CSGALNACT1: variants seen among roughly 807,000 people sequenced by gnomAD.
CSGALNACT1 encodes the protein beta4GalNAcT-1.
A neutral mutation model predicts 51.0 loss-of-function variants in CSGALNACT1; 52 were observed. That is an observed-to-expected ratio of 1.02 (90% confidence interval 0.82 to 1.29). CSGALNACT1 has a LOEUF of 1.29. CSGALNACT1 is among the 50% of genes most tolerant of loss of function. The probability of loss-of-function intolerance (pLI) is 0.00; values close to 1 mark genes in which losing one functional copy is unlikely to be tolerated. For missense variants in CSGALNACT1, 935 were observed against 679.2 expected (o/e 1.38, Z -4.19); for synonymous variants, 341 against 254.4 (o/e 1.34, Z -3.24).
At chr8:19,734,068 C>G (rs897144691) in intron 1 of CSGALNACT1, among the ~76,000 whole-genome samples, 1 of 152,158 alleles carries the variant, frequency 6.6e-6, no homozygotes, top group Non-Finnish European at 1.5e-5. Flanking sequence ...TGGAGAGGGA[C>G]CAGGCTAGTG....
chr8:19,510,884 C>T (rs969441056), intron 3 of CSGALNACT1, among the ~76,000 whole-genome samples: 6 of 152,262 alleles, frequency 3.9e-5, no homozygotes, highest in East Asian at 1.9e-4. Context: ...AAGACTTAAA[C>T]GAAATGTGGC....
At chr8:19,727,189 T>A (rs967777598) in intron 1 of CSGALNACT1, among the ~76,000 whole-genome samples, 2 of 152,092 alleles carry the variant, frequency 1.3e-5, no homozygotes, top group African/African-American at 4.8e-5. Flanking sequence ...AGAGGGCTTA[T>A]GGAAAGGAGT....
At chr8:19,513,436 C>CTCTATATATATATATATATATATATA in intron 3 of CSGALNACT1, among the ~76,000 whole-genome samples, 2 of 81,974 alleles carry the variant, frequency 2.4e-5, no homozygotes, top group Non-Finnish European at 5.1e-5. Flanking sequence ...CTCTCTCTCT[C>CTCTATATATATATATATATATATATA]TATATATATA....
intron 3 of CSGALNACT1, among the ~76,000 whole-genome samples, chr8:19,544,841 C>G (rs746605211): frequency 6.6e-6 from 1 of 152,100 alleles, no homozygotes; most frequent in Non-Finnish European, 1.5e-5. Context: ...CAAGTAAAAG[C>G]TGTGTATCTG....
intron 1 of CSGALNACT1, among the ~76,000 whole-genome samples, chr8:19,709,876 C>T (rs576281718): frequency 2.2e-4 from 33 of 152,250 alleles, no homozygotes; most frequent in African/African-American, 7.5e-4. Flanking sequence ...CACTCTGGGA[C>T]TGAGTGCCTT....
chr8:19,572,874 C>A (rs7005023), intron 3 of CSGALNACT1, among the ~76,000 whole-genome samples: 1 of 151,990 alleles, frequency 6.6e-6, no homozygotes. Context: ...ATAAATAATC[C>A]GTAATGAGAT....
intron 1 of CSGALNACT1, among the ~76,000 whole-genome samples, chr8:19,734,597 G>C (rs886895190): frequency 1.3e-5 from 2 of 152,126 alleles, no homozygotes; most frequent in African/African-American, 4.8e-5. Flanking sequence ...TAACTTGTCT[G>C]AAGTTTTTCT....
chr8:19,581,059 A>G (rs2045457708), intron 3 of CSGALNACT1, among the ~76,000 whole-genome samples: 2 of 152,218 alleles, frequency 1.3e-5, no homozygotes, highest in Admixed American at 1.3e-4. Flanking sequence ...AGGAAAAGAG[A>G]ATAATGAGAA....
At chr8:19,579,254 G>A (rs762787521) in intron 3 of CSGALNACT1, among the ~76,000 whole-genome samples, 2 of 152,114 alleles carry the variant, frequency 1.3e-5, no homozygotes, top group Non-Finnish European at 2.9e-5. Flanking sequence ...ACTTTCCTCT[G>A]TTCCCACTCC....
intron 1 of CSGALNACT1, among the ~76,000 whole-genome samples, chr8:19,691,526 G>C (rs2061321593): frequency 6.6e-6 from 1 of 152,202 alleles, no homozygotes; most frequent in Admixed American, 6.5e-5. Context: ...AACTCCACAG[G>C]TGGTTAACAG....
At chr8:19,525,372 G>A (rs1185703509) in intron 3 of CSGALNACT1, among the ~76,000 whole-genome samples, 2 of 151,930 alleles carry the variant, frequency 1.3e-5, no homozygotes, top group Admixed American at 1.3e-4. Context: ...GGGAGGCTGA[G>A]GCCGGCGGAT....
upstream of CSGALNACT1, among the ~76,000 whole-genome samples, chr8:19,605,485 G>A (rs991944847): frequency 1.2e-4 from 18 of 152,066 alleles, no homozygotes; most frequent in African/African-American, 3.4e-4. Flanking sequence ...TCTTGTATCC[G>A]GGTCTCAGTC....
chr8:19,464,995 C>G (rs1037515844), intron 4 of CSGALNACT1, among the ~76,000 whole-genome samples: 4 of 151,952 alleles, frequency 2.6e-5, no homozygotes, highest in Non-Finnish European at 5.9e-5. Flanking sequence ...ATTTCTAGGT[C>G]TATATCCCAA....
chr8:19,443,058 A>C (rs1366609514), intron 5 of CSGALNACT1, among the ~76,000 whole-genome samples: 2 of 152,014 alleles, frequency 1.3e-5, no homozygotes, highest in Non-Finnish European at 2.9e-5. Context: ...CTTTCTGACA[A>C]AACCACCATT....
At chr8:19,544,130 A>G (rs1014543267) in intron 3 of CSGALNACT1, among the ~76,000 whole-genome samples, 2 of 151,924 alleles carry the variant, frequency 1.3e-5, no homozygotes, top group African/African-American at 4.8e-5. Context: ...TGGGAAAAGA[A>G]TAGTTTGGTG....
chr8:19,410,643 G>A (rs1235796105), intron 8 of CSGALNACT1, among the ~76,000 whole-genome samples: 2 of 152,196 alleles, frequency 1.3e-5, no homozygotes, highest in African/African-American at 4.8e-5. Context: ...AGGGCCTTTC[G>A]AGGTTGAACA....
chr8:19,413,681 G>A (rs908125973), intron 8 of CSGALNACT1, among the ~76,000 whole-genome samples: 1 of 152,210 alleles, frequency 6.6e-6, no homozygotes, highest in Admixed American at 6.5e-5. Flanking sequence ...GAGAGGGCAA[G>A]GACAGAAGCC....
intron 5 of CSGALNACT1, among the ~76,000 whole-genome samples, chr8:19,443,198 C>T (rs1038497186): frequency 6.6e-6 from 1 of 152,178 alleles, no homozygotes; most frequent in Admixed American, 6.5e-5. Flanking sequence ...TGGGAAGGTC[C>T]TCTGCTGACG....
chr8:19,736,486 G>C (rs2063981728), intron 1 of CSGALNACT1, among the ~76,000 whole-genome samples: 1 of 150,728 alleles, frequency 6.6e-6, no homozygotes, highest in Non-Finnish European at 1.5e-5. Context: ...TCATGTGCTT[G>C]GGACTGAGAA....
Sources: gnomAD v4.1 joint callset for allele counts (sites outside exome capture counted in the v4.1 genomes callset) on GRCh38, gnomAD v4.1.1 for gene constraint, MANE v1.5 for transcripts, NCBI Gene and HGNC (gene_info 2026-07-23, HGNC 2026-07-21) for gene names.